PLXNC1: variants seen among roughly 807,000 people sequenced by gnomAD.
The protein encoded by PLXNC1 is plexin C1.
Under a neutral mutation model 178.2 loss-of-function variants are expected in PLXNC1, and 75 were observed. That is an observed-to-expected ratio of 0.42 (90% CI 0.35 to 0.51). The LOEUF is 0.51. Among genes scored for constraint, PLXNC1 ranks in the 20% least tolerant of loss-of-function variants. The pLI, the probability that PLXNC1 is intolerant of heterozygous loss-of-function variation, is 0.02. For missense variants in PLXNC1, 1,503 were observed against 1,984.4 expected, an observed-to-expected ratio of 0.76 and a Z score of 4.61; for synonymous variants, 790 against 779.9, an observed-to-expected ratio of 1.01 and a Z score of -0.22.
chr12:94,297,459 C>T (rs367977203), intron 26 of PLXNC1, 36 bp downstream of exon 26: 21 of 1,373,394 alleles, frequency 1.5e-5, no homozygotes, highest in Non-Finnish European at 2.2e-5. Context: ...TTATGGCTAC[C>T]TAGGGGGTGT....
Position 94,149,139 on chromosome 12 carries a change from C to A in PLXNC1, c.168C>A (p.Gly56=). 6.3e-7 allele frequency: 1 copy of A among 1,590,068 alleles called. No homozygotes were observed. Residue 56 remains glycine, a synonymous_variant, in exon 1 of 31, where the codon GGC becomes GGA. Transcript: ENST00000258526. ...IGAIAASQED[G]VFVASGSCLD... is the part of the protein sequence containing the mutation. ...CCATCGCGGCGAGCCAGGAGGACGG[C>A]GTGTTTGTGGCGAGCGGCAGCTGCC...
intron 3 of PLXNC1, among the ~76,000 whole-genome samples, chr12:94,181,881 CAT>C (rs1300971800): frequency 3.9e-5 from 6 of 152,084 alleles, no homozygotes; most frequent in Admixed American, 1.3e-4. Context: ...TGAATTTACA[CAT>C]TTATTGTGTG....
chr12:94,303,893 T>C lies in PLXNC1; in HGVS notation c.4524T>C (p.Ser1508=), dbSNP rs1397942040. The C allele has an allele frequency of 1.9e-6, 3 of 1,609,814 alleles. No homozygotes were observed. The highest frequency in any genetic ancestry group is 2.5e-6 in the Non-Finnish European group (3 of 1,178,116). ...SEMEEFLTQE[S]KKHENEFNEE... ...TGGAAGAATTTTTAACTCAGGAATCTAAGGTATCATTAGAAAGCAGAAATA... is the reference window on the plus strand; with the variant it reads ...TGGAAGAATTTTTAACTCAGGAATCCAAGGTATCATTAGAAAGCAGAAATA... The change falls in exon 29 of 31, where the codon TCT becomes TCC. Residue 1508 remains serine, a synonymous_variant. Transcript: ENST00000258526.
In PLXNC1 at chr12:94,262,574, G is replaced by A. The variant is rs749608571; in HGVS notation, c.3450+1734G>A. ...ACTCTGAGTGGTGAGGGGGCGGCTC[G>A]GCTCGCCAGGAGGAAGTGGCATCCA... is the stretch of plus-strand genomic sequence containing the variant. On this transcript the variant is annotated intron_variant, in intron 20 of 30. Transcript: ENST00000258526. The A allele has an allele frequency of 5.1e-6, 5 of 985,304 alleles. No homozygotes were observed. The South Asian group carries it at 1.9e-4, about 37-fold the overall frequency. 61.0% of individuals were successfully genotyped at this position (985,304 alleles called of 1,614,324 possible). A position where few individuals can be genotyped will look rare whatever the true frequency, so the allele number is the denominator to read the frequency against.
intron 21 of PLXNC1, among the ~76,000 whole-genome samples, chr12:94,270,491 G>A (rs1006547533): frequency 2.0e-5 from 3 of 152,124 alleles, no homozygotes; most frequent in Non-Finnish European, 4.4e-5. Flanking sequence ...AAACAGGTTG[G>A]CCTCTTTCCT....
intron 4 of PLXNC1, among the ~76,000 whole-genome samples, chr12:94,187,090 T>G (rs1962540272): frequency 1.3e-5 from 2 of 151,984 alleles, no homozygotes; most frequent in Non-Finnish European, 1.5e-5. Context: ...CTGGTTGGAT[T>G]CGCCGTCGCC....
At chr12:94,210,434 C>T (rs1183710705) in intron 5 of PLXNC1, among the ~76,000 whole-genome samples, 1 of 152,218 alleles carries the variant, frequency 6.6e-6, no homozygotes, top group East Asian at 1.9e-4. Flanking sequence ...CTAATGACGG[C>T]TCTTGTGTTA....
At chr12:94,199,732 T>C (rs1438181434) in intron 4 of PLXNC1, among the ~76,000 whole-genome samples, 1 of 152,198 alleles carries the variant, frequency 6.6e-6, no homozygotes, top group Non-Finnish European at 1.5e-5. Context: ...TCCCAGACAG[T>C]TGGCACTGGG....
Position 94,255,195 on chromosome 12 carries a change from T to G in PLXNC1, c.2986T>G (p.Phe996Val). 6.2e-7 allele frequency: 1 copy of G among 1,611,870 alleles called. No homozygotes were observed. The highest frequency in any genetic ancestry group is 8.5e-7 in the Non-Finnish European group (1 of 1,177,866). Residue 996 changes from phenylalanine (F) to valine (V), a missense_variant and splice_region_variant, in exon 17 of 31, where the codon TTT becomes GTT. By Grantham distance (50) the Phe-to-Val change is conservative. Around this residue, in one of 4 missense-constraint regions of PLXNC1, gnomAD observed 639 missense variants for 979.7 expected, o/e 0.65. Coordinates refer to ENST00000258526, the MANE Select transcript of PLXNC1 (RefSeq NM_005761.3). The stretch of plus-strand genomic sequence containing the variant: ...GCTCTTGGGATTCTGTTTTGCAGGC[T>G]TTGCTGAGCTGCAGATGGATAAATT... ...SELRKEIRDG[F>V]AELQMDKLDV... is the part of the protein sequence containing the mutation.
intron 2 of PLXNC1, among the ~76,000 whole-genome samples, chr12:94,177,163 A>ATATATATG (rs1962098040): frequency 1.6e-5 from 1 of 61,508 alleles, no homozygotes; most frequent in Non-Finnish European, 2.9e-5. Context: ...ATATATATGT[A>ATATATATG]TATATATATA....
chr12:94,261,541 G>A (rs1409106029), intron 20 of PLXNC1, among the ~76,000 whole-genome samples: 1 of 152,152 alleles, frequency 6.6e-6, no homozygotes, highest in African/African-American at 2.4e-5. Context: ...TTAGCCCTAA[G>A]GAAGCCTCCA....
chr12:94,178,374 A>G lies in PLXNC1; in HGVS notation c.1204-3072A>G, dbSNP rs78487686. Among the ~76,000 whole-genome samples the G allele has an allele frequency of 3.1e-3, 475 of 152,336 alleles. 2 individuals carry two copies. The highest frequency in any genetic ancestry group is 0.011 in the African/African-American group (442 of 41,578). On this transcript the variant is annotated intron_variant, in intron 2 of 30. Coordinates refer to ENST00000258526, the MANE Select transcript of PLXNC1 (RefSeq NM_005761.3). The stretch of plus-strand genomic sequence containing the variant: ...GGTGCTGCCCAATGATGCTTTTGCC[A>G]TGATGAATTCCTGAAGAGATACCAG...
chr12:94,289,881 A>G (rs923486590), intron 23 of PLXNC1, among the ~76,000 whole-genome samples: 1 of 152,106 alleles, frequency 6.6e-6, no homozygotes, highest in Non-Finnish European at 1.5e-5. Flanking sequence ...CCACTAATAA[A>G]ATGTTTCTAC....
chr12:94,186,494 C>T, intron 4 of PLXNC1, 21 bp downstream of exon 4: 2 of 1,522,992 alleles, frequency 1.3e-6, no homozygotes, highest in Non-Finnish European at 1.8e-6. Context: ...AATTCTTTCT[C>T]ACCAACTCGC....
chr12:94,197,435 CTT>C (rs1491266483), intron 4 of PLXNC1, among the ~76,000 whole-genome samples: 9 of 12,450 alleles, frequency 7.2e-4, no homozygotes, highest in East Asian at 0.016. Flanking sequence ...CATTAGGCCC[CTT>C]TCTCTCTCTC....
chr12:94,173,102 C>T (rs770025007), intron 2 of PLXNC1, among the ~76,000 whole-genome samples: 5 of 152,094 alleles, frequency 3.3e-5, no homozygotes, highest in Admixed American at 6.6e-5. Flanking sequence ...GATTGCATGC[C>T]GGGTTTTTTT....
At chr12:94,284,787 G>T (rs1565859557) in intron 23 of PLXNC1, among the ~76,000 whole-genome samples, 1 of 152,114 alleles carries the variant, frequency 6.6e-6, no homozygotes, top group Non-Finnish European at 1.5e-5. Context: ...GGAAGATGCA[G>T]ATCACACAGA....
intron 3 of PLXNC1, chr12:94,186,054 G>A (rs1962495537): frequency 4.4e-6 from 1 of 225,908 alleles, no homozygotes; most frequent in African/African-American, 2.2e-5. Flanking sequence ...AACCAGCCTG[G>A]GCAACGTAGT....
chr12:94,166,842 C>T (rs1961632852), intron 1 of PLXNC1, among the ~76,000 whole-genome samples: 2 of 151,740 alleles, frequency 1.3e-5, no homozygotes, highest in African/African-American at 4.8e-5. Flanking sequence ...TCATAGCTCA[C>T]TGTAACCTGG....
Sources: allele counts gnomAD v4.1 joint callset (sites outside exome capture counted in the v4.1 genomes callset), GRCh38; gene constraint gnomAD v4.1.1; regional missense constraint gnomAD v4.1.1; transcripts MANE v1.5; gene names NCBI Gene and HGNC (gene_info 2026-07-23, HGNC 2026-07-21).